ARL13B: variants seen among roughly 807,000 people sequenced by gnomAD.
The protein encoded by ARL13B is ADP-ribosylation factor-like protein 13B.
ARL13B carries 36 observed loss-of-function variants against 56.1 expected under a neutral mutation model. The ratio of observed to expected loss-of-function variants is 0.64; its 90% confidence interval spans 0.49 to 0.85. The LOEUF is 0.85. Ranked by LOEUF, ARL13B falls within the 40% of genes least tolerant of loss-of-function variation. ARL13B has a pLI of 0.00. For missense variants in ARL13B, 519 were observed against 507.1 expected (o/e 1.02, Z -0.23); for synonymous variants, 178 against 171.1 (o/e 1.04, Z -0.32).
intron 3 of ARL13B, chr3:94,014,368 GTT>G (rs1559984531): frequency 6.6e-7 from 1 of 1,511,330 alleles, no homozygotes; most frequent in Non-Finnish European, 8.8e-7. Flanking sequence ...GCTGGAAAAA[GTT>G]TTAAAATAGC....
At chr3:93,988,117 C>G (rs1710557021) in intron 1 of ARL13B, among the ~76,000 whole-genome samples, 1 of 151,934 alleles carries the variant, frequency 6.6e-6, no homozygotes, top group Non-Finnish European at 1.5e-5. Context: ...CAATCTTTCA[C>G]AGCACATTAA....
At chr3:94,043,866 C>G (rs1042062987) in intron 7 of ARL13B, among the ~76,000 whole-genome samples, 1 of 149,916 alleles carries the variant, frequency 6.7e-6, no homozygotes, top group Non-Finnish European at 1.5e-5. Context: ...CCATGTTGAC[C>G]GATCTGGTCT....
intron 2 of ARL13B, among the ~76,000 whole-genome samples, chr3:94,001,339 A>T (rs2076052254): frequency 6.6e-6 from 1 of 152,196 alleles, no homozygotes; most frequent in South Asian, 2.1e-4. Flanking sequence ...CTTGAAAAAA[A>T]ATCCTTAATC....
chr3:94,018,426 T>G (rs542556239), intron 3 of ARL13B, among the ~76,000 whole-genome samples: 159 of 152,314 alleles, frequency 1.0e-3, no homozygotes, highest in African/African-American at 2.9e-3. Context: ...TTCTCCTGTT[T>G]TTTTTCTCTT....
At chr3:94,032,527 C>T (rs914299825) in intron 3 of ARL13B, among the ~76,000 whole-genome samples, 19 of 151,686 alleles carry the variant, frequency 1.3e-4, no homozygotes, top group African/African-American at 4.1e-4. Context: ...GACGGAGTCT[C>T]GCTGTGTTGC....
At chr3:94,023,788 G>A (rs996667273) in intron 3 of ARL13B, among the ~76,000 whole-genome samples, 3 of 151,826 alleles carry the variant, frequency 2.0e-5, no homozygotes, top group African/African-American at 7.3e-5. Context: ...ATCAAATACT[G>A]TATTATGTTA....
chr3:94,037,786 CA>C (rs1219432261), intron 5 of ARL13B, among the ~76,000 whole-genome samples: 5 of 151,760 alleles, frequency 3.3e-5, no homozygotes, highest in South Asian at 2.1e-4. Flanking sequence ...ACAGAAGCAA[CA>C]AAAAAATTGA....
At position 94,054,358 on chromosome 3, in the gene ARL13B, T is replaced by A. The variant is rs1395683006; in HGVS notation, c.*1095T>A. 1 of 428,018 alleles carries A rather than the reference T, an allele frequency of 2.3e-6. No individual in the cohort carries two copies. The highest frequency in any genetic ancestry group is 2.6e-5 in the Admixed American group (1 of 38,938). The allele number at this position is 428,018 out of a possible 1,614,324, so 26.5% of individuals were successfully genotyped here. A position where few individuals can be genotyped will look rare whatever the true frequency, so the allele number is the denominator to read the frequency against. On this transcript the variant is annotated 3_prime_UTR_variant, in exon 10 of 10. Transcript: ENST00000394222. Reference sequence around the variant, plus strand: ...AATAATTCCAAAATAATTTCTTAATTTAAAATGATAGCACTTCTCTTGCAC... The same window carrying A: ...AATAATTCCAAAATAATTTCTTAATATAAAATGATAGCACTTCTCTTGCAC...
At chr3:94,010,321 A>G (rs2076202789) in intron 3 of ARL13B, among the ~76,000 whole-genome samples, 1 of 152,114 alleles carries the variant, frequency 6.6e-6, no homozygotes, top group Admixed American at 6.6e-5. Context: ...GGATGTGAAT[A>G]TCATTATTAT....
chr3:94,035,905 C>G (rs2076759295), intron 4 of ARL13B, among the ~76,000 whole-genome samples: 1 of 151,974 alleles, frequency 6.6e-6, no homozygotes, highest in Non-Finnish European at 1.5e-5. Context: ...GACCCTAGCT[C>G]TACAAAAAAT....
intron 2 of ARL13B, among the ~76,000 whole-genome samples, chr3:93,999,608 AATT>A (rs1336552933): frequency 6.6e-6 from 1 of 152,074 alleles, no homozygotes; most frequent in Non-Finnish European, 1.5e-5. Context: ...TGTTCGATTA[AATT>A]ATTATTGACT....
Position 94,003,907 on chromosome 3 carries a change from G to T in ARL13B, c.379G>T (p.Val127Leu), listed in dbSNP as rs771933896. The T allele has an allele frequency of 2.5e-5, 40 of 1,613,274 alleles. No homozygotes were observed. Among genetic ancestry groups the T allele is most frequent in the East Asian group, 4.5e-5 (2 of 44,784 alleles). The change falls in exon 3 of 10, where the codon GTG (valine) becomes TTG (leucine). Residue 127 changes from valine to leucine, a missense_variant and splice_region_variant. By Grantham distance (32) the Val-to-Leu change is conservative. Transcript: ENST00000394222. ...HPRISGKPILVLANKQDKEGA... is the reference protein window; with the variant it reads ...HPRISGKPILLLANKQDKEGA... ...TAGGATATCGGGAAAGCCTATATTG[G>T]TGTAAGTAATGTTAGCATCATTGTA...
intron 3 of ARL13B, among the ~76,000 whole-genome samples, chr3:94,033,446 G>A (rs2076711765): frequency 6.6e-6 from 1 of 151,012 alleles, no homozygotes; most frequent in South Asian, 2.1e-4. Flanking sequence ...TCATTATTTT[G>A]AAAATCAGGA....
At chr3:94,018,527 G>A (rs1489189809) in intron 3 of ARL13B, among the ~76,000 whole-genome samples, 2 of 151,954 alleles carry the variant, frequency 1.3e-5, no homozygotes, top group African/African-American at 4.8e-5. Flanking sequence ...TTTAGACTGA[G>A]TCTCATTTTT....
chr3:93,980,195 A>G lies in ARL13B; in HGVS notation c.-229A>G. 1.4e-6 allele frequency: 1 copy of G among 695,750 alleles called. No individual in the cohort carries two copies. The highest frequency in any genetic ancestry group is 1.5e-5 in the South Asian group (1 of 66,608). The allele number at this position is 695,750 out of a possible 1,614,324, so 43.1% of individuals were successfully genotyped here. A position where few individuals can be genotyped will look rare whatever the true frequency, so the allele number is the denominator to read the frequency against. On this transcript the variant is annotated 5_prime_UTR_variant, in exon 1 of 10. Transcript: ENST00000394222. ...GGTCCCGCTAACTCGGCTACGGTGT[A>G]TCTGCGTCTTTGGTCAGGTTGTTCC...
chr3:94,053,226 A>AT lies in ARL13B; in HGVS notation c.1250_1251insT (p.Gln417HisfsTer4). On this transcript the variant is annotated frameshift_variant, in exon 10 of 10. Transcript: ENST00000394222. LOFTEE classifies it high-confidence loss of function. The stretch of plus-strand genomic sequence containing the variant: ...CCACTGCCTCCCCTGGCTGTGCCAC[A>AT]GCGACCTAACAGTGATGCTCATGAT... 1.2e-6 allele frequency: 2 copies of AT among 1,613,340 alleles called. No homozygotes were observed. Among genetic ancestry groups the AT allele is most frequent in the Non-Finnish European group, 1.7e-6 (2 of 1,179,762 alleles).
intron 7 of ARL13B, among the ~76,000 whole-genome samples, 162 bp from the exon 8 acceptor site, chr3:94,049,243 AG>A (rs1192495912): frequency 6.6e-6 from 1 of 152,194 alleles, no homozygotes; most frequent in African/African-American, 2.4e-5. Context: ...ATATATTCTT[AG>A]TAAATGCAAG....
chr3:94,047,707 C>T (rs575568557), intron 7 of ARL13B: 113 of 152,268 alleles, frequency 7.4e-4, no homozygotes, highest in African/African-American at 2.7e-3. Flanking sequence ...ATCTGATCCA[C>T]ATCCTGTGCT....
chr3:94,016,638 A>T (rs1288619789), intron 3 of ARL13B, among the ~76,000 whole-genome samples: 1 of 149,176 alleles, frequency 6.7e-6, no homozygotes, highest in South Asian at 2.1e-4. Context: ...GATTTTAATT[A>T]ATTAAGCTTT....
Sources: allele counts gnomAD v4.1 joint callset (sites outside exome capture counted in the v4.1 genomes callset), GRCh38; gene constraint gnomAD v4.1.1; transcripts MANE v1.5; gene names NCBI Gene and HGNC (gene_info 2026-07-23, HGNC 2026-07-21).